The following PLAGL1 variants were observed in gnomAD, a reference collection of about 807,000 sequenced individuals.
PLAGL1 encodes PLAG1 like zinc finger 1.
In PLAGL1, 1 loss-of-function variant was observed where a neutral mutation model predicts 4.6. That is an observed-to-expected ratio of 0.22 (90% CI 0.08 to 1.03). PLAGL1 has a LOEUF of 1.03. PLAGL1 is among the 50% of genes least tolerant of loss of function. PLAGL1 has a pLI of 0.58. For synonymous variants in PLAGL1, 240 were observed against 237.8 expected (o/e 1.01, Z -0.08); for missense variants, 464 against 570.4 (o/e 0.81, Z 1.90).
chr6:144,037,856 G>A (rs1181444013), intron 1 of PLAGL1, among the ~76,000 whole-genome samples: 7 of 152,178 alleles, frequency 4.6e-5, no homozygotes, highest in African/African-American at 1.7e-4. Context: ...TGAAAAGCAC[G>A]TACTCTTGAG....
At chr6:144,047,138 AC>A (rs1798218212) in intron 1 of PLAGL1, among the ~76,000 whole-genome samples, 1 of 151,810 alleles carries the variant, frequency 6.6e-6, no homozygotes, top group Non-Finnish European at 1.5e-5. Context: ...AAATCCCCCA[AC>A]CCCTTGCACT....
intron 1 of PLAGL1, among the ~76,000 whole-genome samples, chr6:144,038,708 T>C (rs1389660655): frequency 6.6e-6 from 1 of 152,218 alleles, no homozygotes; most frequent in East Asian, 1.9e-4. Flanking sequence ...AACATTATAC[T>C]GTGTGAAGAA....
chr6:144,029,437 T>C (rs1216776514), intron 1 of PLAGL1, among the ~76,000 whole-genome samples: 3 of 152,232 alleles, frequency 2.0e-5, no homozygotes, highest in Non-Finnish European at 2.9e-5. Flanking sequence ...TAGAGAAAGC[T>C]TCTACAGATA....
At chr6:144,049,977 AGTG>A (rs1219977232) in intron 1 of PLAGL1, among the ~76,000 whole-genome samples, 4 of 152,168 alleles carry the variant, frequency 2.6e-5, no homozygotes, top group African/African-American at 4.8e-5. Flanking sequence ...AAGCTGGAGA[AGTG>A]GAGGGGAGGA....
At position 143,945,098 on chromosome 6, in the gene PLAGL1, A is replaced by G. The variant is rs1183649642; in HGVS notation, c.153-2435T>C. On this transcript the variant is annotated intron_variant, in intron 7 of 7. Coordinates refer to ENST00000674357, the MANE Select transcript of PLAGL1 (RefSeq NM_001317162.2). This position sits in a 1 kb window ranked among gnomAD's most constrained non-coding sequence, Gnocchi z 4.2. ...TTCTTGACTCTTTCCCTTGCCTGGC[A>G]TCTACTTCTTTCCCTTTTAATTTAT... Among the ~76,000 whole-genome samples the G allele has an allele frequency of 4.6e-5, 7 of 152,182 alleles. No individual in the cohort carries two copies. The highest frequency in any genetic ancestry group is 1.7e-4 in the African/African-American group (7 of 41,442).
rs532370378 is a variant in PLAGL1, at chr6:144,046,639, G to A, written c.-151+17829C>T. Among the ~76,000 whole-genome samples the A allele has an allele frequency of 6.0e-4, 91 of 152,302 alleles. 1 individual carries two copies. In the South Asian group the frequency reaches 0.017, roughly 29 times the overall value. On this transcript the variant is annotated intron_variant, in intron 1 of 3. Transcript: ENST00000437412. ...GAGGTGTCTCCCAGTTAGGCTACAC[G>A]GGGGTCAGGGACCCACTTGAGGAGG...
chr6:144,030,025 G>A (rs994180334), intron 1 of PLAGL1, among the ~76,000 whole-genome samples: 5 of 151,966 alleles, frequency 3.3e-5, no homozygotes, highest in East Asian at 3.9e-4. Flanking sequence ...AGGCCGAGGC[G>A]GGAGGATCAT....
chr6:144,037,593 T>A (rs555995073), intron 1 of PLAGL1: 1 of 151,636 alleles, frequency 6.6e-6, no homozygotes, highest in East Asian at 1.9e-4. Flanking sequence ...ACTCCATTTC[T>A]AAAAAAAACA....
At chr6:144,025,384 G>C (rs148786370) in intron 1 of PLAGL1, among the ~76,000 whole-genome samples, 1 of 152,052 alleles carries the variant, frequency 6.6e-6, no homozygotes, top group African/African-American at 2.4e-5. Context: ...AAGGACTTAG[G>C]GGAAAATGAC....
rs760864073 is a variant in PLAGL1, at chr6:143,961,384, A to G, written c.-398-842T>C. The G allele has an allele frequency of 1.6e-4, 25 of 152,220 alleles. No individual in the cohort carries two copies. The highest frequency in any genetic ancestry group is 2.9e-4 in the Non-Finnish European group (20 of 68,036). The allele number at this position is 152,220 out of a possible 1,614,324, so 9.4% of individuals were successfully genotyped here. On this transcript the variant is annotated intron_variant, in intron 5 of 7. Transcript: ENST00000674357. The surrounding 1 kb of genome is among the most constrained non-coding windows in gnomAD (Gnocchi z 6.5). ...GCAAATCTGCTATGGAACAAAGCCA[A>G]TTTATATCTCGCCTAAGTGATTTAT... is the stretch of plus-strand genomic sequence containing the variant.
rs1380072077 is a variant in PLAGL1 at position 143,985,619 on chromosome 6, CTATGTCTACTACTACTACTACTACT to C, written c.-583-470_-583-446del. On this transcript the variant is annotated intron_variant, in intron 1 of 7. Transcript: ENST00000674357. The surrounding 1 kb of genome is among the most constrained non-coding windows in gnomAD (Gnocchi z 4.4). The stretch of plus-strand genomic sequence containing the variant: ...AGTATTTCATTCCTTGTCCATAGTT[CTATGTCTACTACTACTACTACTACT>C]TCCTATATGTCAAATCTTGAATGAA... Among the ~76,000 whole-genome samples, 1 of 151,920 alleles carries C rather than the reference CTATGTCTACTACTACTACTACTACT, an allele frequency of 6.6e-6. No individual in the cohort carries two copies. Among genetic ancestry groups the C allele is most frequent in the Non-Finnish European group, 1.5e-5 (1 of 67,954 alleles).
At position 143,997,063 on chromosome 6, in the gene PLAGL1, T is replaced by G. The variant is rs748073732; in HGVS notation, c.-584+11027A>C. Among the ~76,000 whole-genome samples, 1 of 152,058 alleles carries G rather than the reference T, an allele frequency of 6.6e-6. No individual in the cohort carries two copies. Among genetic ancestry groups the G allele is most frequent in the Non-Finnish European group, 1.5e-5 (1 of 68,018 alleles). The stretch of plus-strand genomic sequence containing the variant: ...CATTAAAAGATACATAGAAAAGTCA[T>G]GAAATCATCAAGGAAATGCACATGA... On this transcript the variant is annotated intron_variant, in intron 1 of 7. Transcript: ENST00000674357. The surrounding 1 kb of genome is among the most constrained non-coding windows in gnomAD (Gnocchi z 4.6).
At chr6:143,993,030 C>T (rs1562518741) in intron 1 of PLAGL1, among the ~76,000 whole-genome samples, 2 of 148,872 alleles carry the variant, frequency 1.3e-5, no homozygotes, top group African/African-American at 5.0e-5. Flanking sequence ...AGAAAACGGC[C>T]GGGTGCGGTG....
rs1783819594 is a variant in PLAGL1 at position 143,963,525 on chromosome 6, G to A, written c.-399+1262C>T. On this transcript the variant is annotated intron_variant, in intron 5 of 7. Transcript: ENST00000674357. The surrounding 1 kb of genome is among the most constrained non-coding windows in gnomAD (Gnocchi z 6.1). Reference sequence around the variant, plus strand: ...AATACCTTCAACAACCGCATGAGTAGGTAGCATTAACCCTATTTGATTAAT... The same window carrying A: ...AATACCTTCAACAACCGCATGAGTAAGTAGCATTAACCCTATTTGATTAAT... Among the ~76,000 whole-genome samples the A allele has an allele frequency of 2.0e-5, 3 of 152,150 alleles. No homozygotes were observed. The highest frequency in any genetic ancestry group is 2.0e-4 in the Admixed American group (3 of 15,284).
chr6:144,014,007 A>G lies in PLAGL1; in HGVS notation c.-150-45029T>C, dbSNP rs138659366. ...GTCAGCTTTGCTATAGAAATTGACA[A>G]GCTGATTCTAAACTTTATATGGAAA... On this transcript the variant is annotated intron_variant, in intron 1 of 3. Coordinates refer to the PLAGL1 transcript ENST00000437412. 4.9e-4 allele frequency among the ~76,000 whole-genome samples: 74 copies of G among 152,360 alleles called. 2 individuals carry two copies. In the South Asian group the frequency reaches 7.5e-3, roughly 15 times the overall value.
chr6:143,951,798 C>CTT (rs1031519886), intron 6 of PLAGL1, among the ~76,000 whole-genome samples: 3 of 152,208 alleles, frequency 2.0e-5, no homozygotes, highest in African/African-American at 4.8e-5. Flanking sequence ...TCATGAATAT[C>CTT]TTTTCCCAAG....
intron 6 of PLAGL1, among the ~76,000 whole-genome samples, chr6:143,956,339 G>A (rs1249674532): frequency 1.3e-5 from 2 of 152,192 alleles, no homozygotes; most frequent in African/African-American, 4.8e-5. Flanking sequence ...AAGCAGCCTT[G>A]TGGGGGCATG....
Position 144,006,875 on chromosome 6 carries a change from G to A in PLAGL1, c.-584+1215C>T, listed in dbSNP as rs1794316167. 6.6e-6 allele frequency: 1 copy of A among 152,184 alleles called. No homozygotes were observed. Among genetic ancestry groups the A allele is most frequent in the South Asian group, 2.1e-4 (1 of 4,828 alleles). The allele number at this position is 152,184 out of a possible 1,614,324, so 9.4% of individuals were successfully genotyped here. On this transcript the variant is annotated intron_variant, in intron 1 of 7. Coordinates refer to ENST00000674357, the MANE Select transcript of PLAGL1 (RefSeq NM_001317162.2). The surrounding 1 kb of genome is among the most constrained non-coding windows in gnomAD (Gnocchi z 4.3). ...CACATTTGTGTATGTATGAAACTGAGGAGGGGGAGAGAGATTCATAAAGCG... is the reference window on the plus strand; with the variant it reads ...CACATTTGTGTATGTATGAAACTGAAGAGGGGGAGAGAGATTCATAAAGCG...
At position 143,973,675 on chromosome 6, in the gene PLAGL1, G is replaced by T. The variant is rs559155127; in HGVS notation, c.-543-4697C>A. Among the ~76,000 whole-genome samples the T allele has an allele frequency of 6.6e-5, 10 of 152,286 alleles. No individual in the cohort carries two copies. In the South Asian group the frequency reaches 1.9e-3, roughly 28 times the overall value. ...TGGAAACTTTATTCTCAATCGAATG[G>T]TTCGTTCTAATAGCCAGAGGAAGAT... is the stretch of plus-strand genomic sequence containing the variant. On this transcript the variant is annotated intron_variant, in intron 2 of 7. Transcript: ENST00000674357. This position sits in a 1 kb window ranked among gnomAD's most constrained non-coding sequence, Gnocchi z 6.2.
Sources: allele counts gnomAD v4.1 joint callset (sites outside exome capture counted in the v4.1 genomes callset), GRCh38; gene constraint gnomAD v4.1.1; non-coding constraint Gnocchi (gnomAD v3.1); transcripts MANE v1.5; gene names NCBI Gene and HGNC (gene_info 2026-07-23, HGNC 2026-07-21).